PGBD2: variants seen among roughly 807,000 people sequenced by gnomAD.
PGBD2 encodes piggyBac transposable element-derived protein 2.
Under a neutral mutation model 8.1 loss-of-function variants are expected in PGBD2, and 6 were observed. The ratio of observed to expected loss-of-function variants is 0.74; its 90% CI spans 0.40 to 1.46. The LOEUF is 1.46. Among genes scored for constraint, PGBD2 ranks in the 40% most tolerant of loss-of-function variants. PGBD2 has a pLI of 0.02. For missense variants in PGBD2, 802 were observed against 739.0 expected, an observed-to-expected ratio of 1.09 and a Z score of -0.99; for synonymous variants, 318 against 272.2, an observed-to-expected ratio of 1.17 and a Z score of -1.66.
chr1:248,909,048 T>A (rs1056166525), intron 1 of PGBD2, among the ~76,000 whole-genome samples: 4 of 152,222 alleles, frequency 2.6e-5, no homozygotes, highest in African/African-American at 9.7e-5. Flanking sequence ...AGTAGATACT[T>A]CAGATGTTTG....
At chr1:248,900,991 A>G in the PGBD2 span, among the ~76,000 whole-genome samples, 2 of 152,160 alleles carry the variant, frequency 1.3e-5, no homozygotes, top group Non-Finnish European at 2.9e-5. Flanking sequence ...CCCATTCGCA[A>G]TGCCCACAAA....
the PGBD2 span, among the ~76,000 whole-genome samples, chr1:248,891,705 T>C: frequency 6.6e-6 from 1 of 152,150 alleles, no homozygotes; most frequent in South Asian, 2.1e-4. Flanking sequence ...ATGCCTGTAT[T>C]CCTAGGTACT....
chr1:248,873,957 G>A, the PGBD2 span, among the ~76,000 whole-genome samples: 7 of 152,322 alleles, frequency 4.6e-5, no homozygotes, highest in African/African-American at 1.7e-4. Context: ...TCCCACTTCT[G>A]ACACATTCGT....
At chr1:248,875,944 C>A in the PGBD2 span, among the ~76,000 whole-genome samples, 1 of 151,268 alleles carries the variant, frequency 6.6e-6, no homozygotes, top group African/African-American at 2.4e-5. Context: ...TTTGTCACAT[C>A]CTTGTTCCTA....
the PGBD2 span, among the ~76,000 whole-genome samples, chr1:248,889,157 T>G: frequency 6.6e-6 from 1 of 152,134 alleles, no homozygotes; most frequent in Non-Finnish European, 1.5e-5. Context: ...GAGGCCAAGG[T>G]GGGCAGATCA....
At chr1:248,930,114 T>A in the PGBD2 span, among the ~76,000 whole-genome samples, 10 of 152,172 alleles carry the variant, frequency 6.6e-5, no homozygotes, top group Non-Finnish European at 1.2e-4. Context: ...ATTCTACAGG[T>A]CTTGTTTTAT....
chr1:248,889,748 C>T, the PGBD2 span, among the ~76,000 whole-genome samples: 1 of 152,022 alleles, frequency 6.6e-6, no homozygotes, highest in East Asian at 1.9e-4. Context: ...ACATTCCTTT[C>T]CCTTCAGGTG....
chr1:248,903,552 A>C (rs1347382535), upstream of PGBD2, among the ~76,000 whole-genome samples: 1 of 152,182 alleles, frequency 6.6e-6, no homozygotes, highest in Non-Finnish European at 1.5e-5. Flanking sequence ...AAATCAATTC[A>C]ATTGTCATCG....
the PGBD2 span, among the ~76,000 whole-genome samples, chr1:248,897,290 G>A: frequency 2.3e-5 from 3 of 131,320 alleles, no homozygotes; most frequent in South Asian, 6.6e-4. Context: ...CTAGCCGATC[G>A]GAACAAATAC....
the PGBD2 span, among the ~76,000 whole-genome samples, chr1:248,896,871 C>T: frequency 2.0e-5 from 3 of 152,170 alleles, no homozygotes; most frequent in South Asian, 2.1e-4. Flanking sequence ...CCAGGGAGGC[C>T]GTGAGGGATT....
chr1:248,898,946 G>A, the PGBD2 span, among the ~76,000 whole-genome samples: 1 of 152,028 alleles, frequency 6.6e-6, no homozygotes, highest in African/African-American at 2.4e-5. Flanking sequence ...AAAAAAGCAG[G>A]GTTTTTTTGT....
downstream of PGBD2, among the ~76,000 whole-genome samples, chr1:248,923,776 G>C (rs993966820): frequency 4.6e-5 from 7 of 152,168 alleles, no homozygotes; most frequent in African/African-American, 1.4e-4. Context: ...GGCACGGATG[G>C]ATTTCCACAG....
chr1:248,919,654 G>A (rs568582255), downstream of PGBD2: 7 of 166,482 alleles, frequency 4.2e-5, no homozygotes, highest in East Asian at 1.4e-3. Context: ...TAGTTTTTGA[G>A]GAAGCTTCAA....
At chr1:248,877,643 G>A in the PGBD2 span, among the ~76,000 whole-genome samples, 3 of 152,150 alleles carry the variant, frequency 2.0e-5, no homozygotes, top group Non-Finnish European at 4.4e-5. Context: ...AGAATGATTG[G>A]ATCAGATAAC....
At chr1:248,923,613 A>G (rs1662329188), downstream of PGBD2, among the ~76,000 whole-genome samples, 2 of 152,250 alleles carry the variant, frequency 1.3e-5, no homozygotes, top group Non-Finnish European at 1.5e-5. Context: ...CAGACAAATA[A>G]AAAACACTCT....
chr1:248,874,921 G>C, the PGBD2 span, among the ~76,000 whole-genome samples: 1 of 149,228 alleles, frequency 6.7e-6, no homozygotes, highest in Non-Finnish European at 1.5e-5. Context: ...TAGATAGATA[G>C]ATAGATAGAT....
chr1:248,922,406 A>G (rs879936419), downstream of PGBD2, among the ~76,000 whole-genome samples: 2 of 152,174 alleles, frequency 1.3e-5, no homozygotes, highest in Non-Finnish European at 2.9e-5. Flanking sequence ...CTGCAAACAG[A>G]GACCATTTGA....
At chr1:248,875,622 G>C in the PGBD2 span, among the ~76,000 whole-genome samples, 2 of 152,064 alleles carry the variant, frequency 1.3e-5, no homozygotes, top group Admixed American at 1.3e-4. Flanking sequence ...TTAACATTTT[G>C]TAATATTATG....
Position 248,918,473 on chromosome 1 carries a change from C to A in PGBD2, c.*110C>A. ...GAAAAAAGACCTGAATTTCTAATGA[C>A]TTGATTTTCTATTTTCTCCCTACCC... On this transcript the variant is annotated 3_prime_UTR_variant, in exon 3 of 3. Coordinates refer to ENST00000329291, the MANE Select transcript of PGBD2 (RefSeq NM_170725.3). 9.0e-7 allele frequency: 1 copy of A among 1,110,972 alleles called. No homozygotes were observed. The highest frequency in any genetic ancestry group is 1.3e-6 in the Non-Finnish European group (1 of 798,726). 68.8% of individuals were successfully genotyped at this position (1,110,972 alleles called of 1,614,324 possible). A position where few individuals can be genotyped will look rare whatever the true frequency, so the allele number is the denominator to read the frequency against.
Sources: allele counts gnomAD v4.1 joint callset (sites outside exome capture counted in the v4.1 genomes callset), GRCh38; gene constraint gnomAD v4.1.1; transcripts MANE v1.5; gene names NCBI Gene and HGNC (gene_info 2026-07-23, HGNC 2026-07-21).